GRIP1: variants seen among roughly 807,000 people sequenced by gnomAD.
GRIP1 encodes the protein glutamate receptor interacting protein 1, also known as glutamate receptor-interacting protein 1.
In GRIP1, 45 loss-of-function variants were observed where a neutral mutation model predicts 129.9. That is an observed-to-expected ratio of 0.35 (90% CI 0.27 to 0.44). The LOEUF is 0.44. GRIP1 is among the 20% of genes least tolerant of loss of function. The pLI is 1.00. For missense variants in GRIP1, 1,196 were observed against 1,396.8 expected, an observed-to-expected ratio of 0.86 and a Z score of 2.29; for synonymous variants, 530 against 520.8, an observed-to-expected ratio of 1.02 and a Z score of -0.24.
At chr12:66,473,793 T>C (rs10748046) in intron 7 of GRIP1, among the ~76,000 whole-genome samples, 61,419 of 151,922 alleles carry the variant, frequency 0.4, 13,054 homozygotes, top group African/African-American at 0.5. Context: ...TCAACATCAA[T>C]GAAAGGACGT....
At chr12:66,955,223 T>C (rs552453316) in intron 1 of GRIP1, among the ~76,000 whole-genome samples, 1 of 152,206 alleles carries the variant, frequency 6.6e-6, no homozygotes, top group Non-Finnish European at 1.5e-5. Context: ...AAAACACAGA[T>C]TGCTGAGCCT....
chr12:66,426,659 A>G (rs2057997092), intron 14 of GRIP1, among the ~76,000 whole-genome samples: 1 of 152,070 alleles, frequency 6.6e-6, no homozygotes. Context: ...GTCTGTTTAT[A>G]TTAAAGAGTG....
intron 2 of GRIP1, among the ~76,000 whole-genome samples, chr12:66,564,895 T>G (rs903791090): frequency 2.6e-5 from 4 of 152,276 alleles, no homozygotes; most frequent in Admixed American, 6.5e-5. Context: ...GAGCATTTTT[T>G]CATGTGCCTG....
At chr12:66,386,374 C>T (rs557124228) in intron 19 of GRIP1, among the ~76,000 whole-genome samples, 1 of 152,276 alleles carries the variant, frequency 6.6e-6, no homozygotes, top group Admixed American at 6.5e-5. Context: ...TGGCTCACGC[C>T]TGTAATCCCA....
At chr12:66,903,062 A>C (rs900859429) in intron 1 of GRIP1, among the ~76,000 whole-genome samples, 2 of 152,162 alleles carry the variant, frequency 1.3e-5, no homozygotes, top group African/African-American at 4.8e-5. Context: ...GAATTAAATA[A>C]CTAGTCAAAT....
intron 1 of GRIP1, among the ~76,000 whole-genome samples, chr12:66,837,835 A>C (rs2039642394): frequency 6.6e-6 from 1 of 152,100 alleles, no homozygotes; most frequent in Admixed American, 6.5e-5. Flanking sequence ...TAACAGAATA[A>C]AGAGGAAGGT....
At chr12:67,036,889 A>C (rs2043103650) in intron 1 of GRIP1, among the ~76,000 whole-genome samples, 1 of 152,168 alleles carries the variant, frequency 6.6e-6, no homozygotes, top group African/African-American at 2.4e-5. Context: ...TTATAAAAAT[A>C]TGAATTCAAA....
At chr12:66,732,916 G>C (rs2036483679) in intron 1 of GRIP1, among the ~76,000 whole-genome samples, 1 of 152,130 alleles carries the variant, frequency 6.6e-6, no homozygotes, top group African/African-American at 2.4e-5. Flanking sequence ...CAGAAGATTT[G>C]ACAATTCAGA....
At chr12:66,689,321 CGAA>C (rs2034895695) in intron 1 of GRIP1, among the ~76,000 whole-genome samples, 1 of 152,076 alleles carries the variant, frequency 6.6e-6, no homozygotes, top group Non-Finnish European at 1.5e-5. Flanking sequence ...AAGGGGGAGC[CGAA>C]GTCCAGGAAA....
intron 1 of GRIP1, among the ~76,000 whole-genome samples, chr12:66,779,840 G>T (rs1197325157): frequency 6.6e-6 from 1 of 152,216 alleles, no homozygotes; most frequent in Non-Finnish European, 1.5e-5. Context: ...AGCTACTGTA[G>T]ACAGGAAGGT....
intron 23 of GRIP1, among the ~76,000 whole-genome samples, chr12:66,360,450 C>T (rs558023239): frequency 6.6e-6 from 1 of 152,188 alleles, no homozygotes; most frequent in East Asian, 1.9e-4. Flanking sequence ...CTAGAGGATG[C>T]CCCCGGAGAA....
chr12:66,521,552 C>T (rs937887174), intron 5 of GRIP1, among the ~76,000 whole-genome samples: 6 of 152,170 alleles, frequency 3.9e-5, no homozygotes, highest in Non-Finnish European at 7.3e-5. Context: ...GGAACAGCTC[C>T]AGTCTACAGC....
At chr12:67,045,767 T>C (rs1354767104) in intron 1 of GRIP1, among the ~76,000 whole-genome samples, 2 of 152,162 alleles carry the variant, frequency 1.3e-5, no homozygotes, top group Admixed American at 6.5e-5. Context: ...CAGCACACAG[T>C]AAACCTCAAA....
At chr12:67,028,608 C>T (rs1027339117) in intron 1 of GRIP1, among the ~76,000 whole-genome samples, 1 of 152,128 alleles carries the variant, frequency 6.6e-6, no homozygotes, top group Non-Finnish European at 1.5e-5. Flanking sequence ...ATTCAATAGC[C>T]TCTGCCTCTT....
At chr12:66,977,178 C>T (rs949665694) in intron 1 of GRIP1, among the ~76,000 whole-genome samples, 3 of 150,762 alleles carry the variant, frequency 2.0e-5, no homozygotes, top group Non-Finnish European at 2.9e-5. Context: ...CCCAAATCTG[C>T]CATGATTAAG....
At chr12:66,351,959 G>T (rs1352365747) in intron 24 of GRIP1, among the ~76,000 whole-genome samples, 1 of 152,156 alleles carries the variant, frequency 6.6e-6, no homozygotes, top group East Asian at 1.9e-4. Context: ...TGATCTATGT[G>T]AGACCAAAAA....
chr12:67,023,908 TTTTC>T (rs1015321111), intron 1 of GRIP1, among the ~76,000 whole-genome samples: 9 of 151,778 alleles, frequency 5.9e-5, no homozygotes, highest in African/African-American at 2.2e-4. Flanking sequence ...TTTTCTTTGC[TTTTC>T]TTTGATTTTT....
intron 9 of GRIP1, among the ~76,000 whole-genome samples, chr12:66,456,722 TG>T (rs1359561429): frequency 6.6e-6 from 1 of 152,102 alleles, no homozygotes; most frequent in South Asian, 2.1e-4. Context: ...ATTAAAGATT[TG>T]CAAATCTTGG....
At chr12:66,747,757 G>T (rs1348220917) in intron 1 of GRIP1, among the ~76,000 whole-genome samples, 1 of 151,806 alleles carries the variant, frequency 6.6e-6, no homozygotes, top group Non-Finnish European at 1.5e-5. Context: ...TTTCCCCCAG[G>T]GTTGTCTTGT....
Sources: gnomAD v4.1 joint callset for allele counts (sites outside exome capture counted in the v4.1 genomes callset) on GRCh38, gnomAD v4.1.1 for gene constraint, MANE v1.5 for transcripts, NCBI Gene and HGNC (gene_info 2026-07-23, HGNC 2026-07-21) for gene names.